Variants in GPHN observed in about 807,000 individuals in gnomAD.
The protein encoded by GPHN is gephyrin.
GPHN carries 17 observed loss-of-function variants against 95.5 expected under a neutral mutation model. The ratio of observed to expected loss-of-function variants is 0.18; its 90% CI spans 0.12 to 0.27. GPHN has a LOEUF of 0.27. GPHN is among the 10% of genes least tolerant of loss of function. The pLI, the probability that GPHN is intolerant of heterozygous loss-of-function variation, is 1.00. For synonymous variants in GPHN, 320 were observed against 322.5 expected, an observed-to-expected ratio of 0.99 and a Z score of 0.08; for missense variants, 660 against 978.1, an observed-to-expected ratio of 0.67 and a Z score of 4.34.
the GPHN span, among the ~76,000 whole-genome samples, chr14:67,426,280 T>G: frequency 1.3e-5 from 2 of 152,120 alleles, no homozygotes; most frequent in Non-Finnish European, 2.9e-5. Flanking sequence ...GTTGGGTAGT[T>G]GCTGAGGAGG....
chr14:66,824,881 A>G (rs1171361512), intron 4 of GPHN, among the ~76,000 whole-genome samples: 1 of 152,162 alleles, frequency 6.6e-6, no homozygotes, highest in Non-Finnish European at 1.5e-5. Context: ...GATGGTTAGC[A>G]TGGCATCTGG....
the GPHN span, among the ~76,000 whole-genome samples, chr14:67,704,714 G>A: frequency 2.0e-5 from 3 of 152,132 alleles, no homozygotes; most frequent in African/African-American, 7.2e-5. Context: ...AATCACCAGG[G>A]AAACAATTTA....
At chr14:67,672,817 A>G in the GPHN span, among the ~76,000 whole-genome samples, 2 of 152,170 alleles carry the variant, frequency 1.3e-5, no homozygotes, top group Non-Finnish European at 2.9e-5. Flanking sequence ...GCATCCCATC[A>G]TATTTAGAAA....
intron 4 of GPHN, among the ~76,000 whole-genome samples, chr14:66,838,907 T>C (rs1043111680): frequency 1.3e-5 from 2 of 152,198 alleles, no homozygotes; most frequent in Admixed American, 1.3e-4. Context: ...TTTGTAACTT[T>C]GTTGTTACTG....
At chr14:67,383,540 T>C in the GPHN span, 3 of 1,496,914 alleles carry the variant, frequency 2.0e-6, no homozygotes, top group East Asian at 2.5e-5. Flanking sequence ...ACTTCAAAGC[T>C]GAATATTTTT....
At chr14:67,294,282 C>T in the GPHN span, 1 of 149,528 alleles carries the variant, frequency 6.7e-6, no homozygotes, top group Non-Finnish European at 1.5e-5. Flanking sequence ...GTGAAGTTGC[C>T]CTTTCAGTAC....
chr14:66,700,279 T>G (rs1046439677), intron 2 of GPHN, among the ~76,000 whole-genome samples: 1 of 152,178 alleles, frequency 6.6e-6, no homozygotes, highest in African/African-American at 2.4e-5. Flanking sequence ...GAGAGGCACT[T>G]AGCTACTAGA....
At chr14:66,766,339 G>C (rs1212039140) in intron 2 of GPHN, among the ~76,000 whole-genome samples, 1 of 152,198 alleles carries the variant, frequency 6.6e-6, no homozygotes, top group Non-Finnish European at 1.5e-5. Flanking sequence ...TGCCAAGGCA[G>C]AAGGGCCTTG....
the GPHN span, among the ~76,000 whole-genome samples, chr14:67,377,879 G>A: frequency 6.6e-6 from 1 of 151,982 alleles, no homozygotes; most frequent in African/African-American, 2.4e-5. Context: ...AGGCTGAGGT[G>A]GGAGGATTGC....
intron 3 of GPHN, among the ~76,000 whole-genome samples, chr14:66,790,849 C>G (rs1459494831): frequency 6.6e-6 from 1 of 152,220 alleles, no homozygotes; most frequent in Non-Finnish European, 1.5e-5. Context: ...TGAAGTTTCC[C>G]CCTTTGGGGA....
At chr14:66,546,371 C>T (rs1255007989) in intron 1 of GPHN, among the ~76,000 whole-genome samples, 3 of 151,996 alleles carry the variant, frequency 2.0e-5, no homozygotes, top group Admixed American at 1.3e-4. Flanking sequence ...GACGGGGTGG[C>T]GGCCGGGCAG....
In GPHN at chr14:66,584,071, G is replaced by T. The variant is rs536909936; in HGVS notation, c.64+75480G>T. Among the ~76,000 whole-genome samples, 37 of 152,174 alleles carry T rather than the reference G, an allele frequency of 2.4e-4. No homozygotes were observed. In the South Asian group the frequency reaches 6.6e-3, roughly 27 times the overall value. ...ACCTCTTTTATTTCATTGAGCAGTG[G>T]TTTGTAGTTCTCCTTGAAGAGGTCC... On this transcript the variant is annotated intron_variant, in intron 1 of 22. Coordinates refer to ENST00000478722, the MANE Select transcript of GPHN (RefSeq NM_020806.5).
chr14:67,120,732 G>A (rs1360100363), intron 16 of GPHN, among the ~76,000 whole-genome samples: 1 of 152,196 alleles, frequency 6.6e-6, no homozygotes, highest in African/African-American at 2.4e-5. Flanking sequence ...TTTAATAACT[G>A]TGTTAATTAA....
chr14:66,835,820 C>T (rs1357680874), intron 4 of GPHN, among the ~76,000 whole-genome samples: 5 of 152,058 alleles, frequency 3.3e-5, no homozygotes, highest in African/African-American at 4.8e-5. Context: ...AGAGCCAAAT[C>T]GTGAGTGAAC....
At chr14:67,378,361 T>C in the GPHN span, among the ~76,000 whole-genome samples, 1 of 130,872 alleles carries the variant, frequency 7.6e-6, no homozygotes, top group Non-Finnish European at 1.6e-5. Context: ...GTAGAAAAGG[T>C]GGGAATAGTA....
At chr14:67,246,609 A>G in the GPHN span, among the ~76,000 whole-genome samples, 1 of 148,400 alleles carries the variant, frequency 6.7e-6, no homozygotes, top group Admixed American at 6.7e-5. Flanking sequence ...CAAAAGTGCT[A>G]GGATTACAGG....
At chr14:66,845,819 C>CTGTG (rs367997271) in intron 4 of GPHN, among the ~76,000 whole-genome samples, 11,622 of 143,288 alleles carry the variant, frequency 0.081, 557 homozygotes, top group African/African-American at 0.14. Context: ...ATACATGCCT[C>CTGTG]TGTGTGTGTG....
chr14:66,862,292 G>C (rs893599417), intron 4 of GPHN, among the ~76,000 whole-genome samples: 2 of 151,842 alleles, frequency 1.3e-5, no homozygotes, highest in Admixed American at 1.3e-4. Context: ...TAACCACAAA[G>C]AAATCCAAAA....
the GPHN span, chr14:67,613,843 C>T: frequency 0.12 from 18,856 of 161,950 alleles, 1,163 homozygotes; most frequent in Middle Eastern, 0.13. Flanking sequence ...ATCACTGTGG[C>T]GCCTTGCTTT....
Sources: allele counts gnomAD v4.1 joint callset (sites outside exome capture counted in the v4.1 genomes callset), GRCh38; gene constraint gnomAD v4.1.1; transcripts MANE v1.5; gene names NCBI Gene and HGNC (gene_info 2026-07-23, HGNC 2026-07-21).